The following KCNJ3 variants were observed in gnomAD, a reference collection of about 807,000 sequenced individuals.
The protein encoded by KCNJ3 is G protein-activated inward rectifier potassium channel 1.
In KCNJ3, 4 loss-of-function variants were observed where a neutral mutation model predicts 39.2. The ratio of observed to expected loss-of-function variants is 0.10; its 90% CI spans 0.05 to 0.23. The LOEUF is 0.23. Among genes scored for constraint, KCNJ3 ranks in the 10% least tolerant of loss-of-function variants. KCNJ3 has a pLI of 1.00. For synonymous variants in KCNJ3, 230 were observed against 237.4 expected, an observed-to-expected ratio of 0.97 and a Z score of 0.29; for missense variants, 276 against 634.9, an observed-to-expected ratio of 0.43 and a Z score of 6.08.
At chr2:154,767,395 C>A (rs1686153603) in intron 2 of KCNJ3, among the ~76,000 whole-genome samples, 1 of 151,892 alleles carries the variant, frequency 6.6e-6, no homozygotes. Flanking sequence ...TCCAAGTGTT[C>A]TCATTGTTCA....
intron 2 of KCNJ3, among the ~76,000 whole-genome samples, chr2:154,820,207 G>C (rs1574474232): frequency 6.6e-6 from 1 of 151,994 alleles, no homozygotes; most frequent in African/African-American, 2.4e-5. Context: ...TCCAACCCAG[G>C]ATCCCTTGTT....
At chr2:154,751,953 CT>C (rs1685852157) in intron 2 of KCNJ3, among the ~76,000 whole-genome samples, 1 of 152,056 alleles carries the variant, frequency 6.6e-6, no homozygotes, top group African/African-American at 2.4e-5. Context: ...TCTTTAAAGA[CT>C]CCTTTGCCAA....
rs754470933 is a variant in KCNJ3 at position 154,698,697 on chromosome 2, C to G, written c.-79C>G. On this transcript the variant is annotated 5_prime_UTR_variant, in exon 1 of 3. Coordinates refer to ENST00000295101, the MANE Select transcript of KCNJ3 (RefSeq NM_002239.4). ...GCCCCCTTTCCTCCCCCGCCCCCAC[C>G]TCCTTATTGGTGCTAGTTTGCAGCG... is the stretch of plus-strand genomic sequence containing the variant. The G allele has an allele frequency of 2.8e-6, 2 of 703,350 alleles. No individual in the cohort carries two copies. Among genetic ancestry groups the G allele is most frequent in the South Asian group, 4.6e-5 (2 of 43,898 alleles). The allele number at this position is 703,350 out of a possible 1,614,324, so 43.6% of individuals were successfully genotyped here.
intron 1 of KCNJ3, among the ~76,000 whole-genome samples, chr2:154,705,474 C>T (rs1242824003): frequency 1.3e-5 from 2 of 152,018 alleles, no homozygotes; most frequent in Admixed American, 6.6e-5. Flanking sequence ...ATTCTTTTTC[C>T]ACCTATAGTC....
chr2:154,698,762 C>A lies in KCNJ3; in HGVS notation c.-14C>A, dbSNP rs1455558026. 3 of 1,523,374 alleles carry A rather than the reference C, an allele frequency of 2.0e-6. No homozygotes were observed. Among genetic ancestry groups the A allele is most frequent in the East Asian group, 4.7e-5 (2 of 42,534 alleles). The allele number at this position is 1,523,374 out of a possible 1,614,324, so 94.4% of individuals were successfully genotyped here. ...CTTCGCTTCGCGTTTGAATCTGGCT[C>A]GCCCCTTCGTATTATGTCTGCACTC... On this transcript the variant is annotated 5_prime_UTR_variant, in exon 1 of 3. Coordinates refer to ENST00000295101, the MANE Select transcript of KCNJ3 (RefSeq NM_002239.4).
chr2:154,717,990 T>C (rs1053318323), intron 2 of KCNJ3, among the ~76,000 whole-genome samples: 1 of 152,194 alleles, frequency 6.6e-6, no homozygotes, highest in Non-Finnish European at 1.5e-5. Context: ...ACTCTTGTTA[T>C]AGCCATATCT....
intron 2 of KCNJ3, among the ~76,000 whole-genome samples, chr2:154,718,994 C>T (rs1240244247): frequency 1.3e-5 from 2 of 152,058 alleles, no homozygotes; most frequent in Admixed American, 6.6e-5. Context: ...GGTTAAGATG[C>T]GTCATAGTGC....
chr2:154,745,550 T>G (rs1162992084), intron 2 of KCNJ3, among the ~76,000 whole-genome samples: 3 of 152,062 alleles, frequency 2.0e-5, no homozygotes, highest in African/African-American at 7.2e-5. Flanking sequence ...CATTTTTATA[T>G]TTTGCATTTC....
intron 2 of KCNJ3, among the ~76,000 whole-genome samples, chr2:154,833,649 C>T (rs1687400596): frequency 6.6e-6 from 1 of 152,176 alleles, no homozygotes; most frequent in African/African-American, 2.4e-5. Flanking sequence ...GTGTATCAAA[C>T]AGAATAATTC....
chr2:154,731,579 CTT>C lies in KCNJ3; in HGVS notation c.919+21763_919+21764del, dbSNP rs767170538. 1.3e-4 allele frequency among the ~76,000 whole-genome samples: 19 copies of C among 151,720 alleles called. No homozygotes were observed. The East Asian group carries it at 3.3e-3, about 26-fold the overall frequency. ...TAAGGCAAATAACTTCTTTGGGTAT[CTT>C]TTAAATATACATAACTCATGCTTTT... On this transcript the variant is annotated intron_variant, in intron 2 of 2. Transcript: ENST00000295101.
At chr2:154,732,026 C>G (rs1212825232) in intron 2 of KCNJ3, among the ~76,000 whole-genome samples, 1 of 151,864 alleles carries the variant, frequency 6.6e-6, no homozygotes, top group Non-Finnish European at 1.5e-5. Flanking sequence ...CAATATTTCC[C>G]CATATTTGTA....
At chr2:154,798,755 G>T (rs1023122483) in intron 2 of KCNJ3, among the ~76,000 whole-genome samples, 1 of 152,120 alleles carries the variant, frequency 6.6e-6, no homozygotes, top group Non-Finnish European at 1.5e-5. Context: ...CCATGTTGTT[G>T]CATATTGCAA....
At chr2:154,722,488 GA>G (rs1481595132) in intron 2 of KCNJ3, among the ~76,000 whole-genome samples, 1 of 152,126 alleles carries the variant, frequency 6.6e-6, no homozygotes, top group East Asian at 1.9e-4. Context: ...GAGAAGAGAA[GA>G]ACTTGCTGTT....
intron 2 of KCNJ3, among the ~76,000 whole-genome samples, chr2:154,769,811 T>C: frequency 6.6e-6 from 1 of 152,100 alleles, no homozygotes; most frequent in East Asian, 1.9e-4. Context: ...ATGGACTCTA[T>C]ATACTATCCC....
At chr2:154,732,916 G>A in intron 2 of KCNJ3, among the ~76,000 whole-genome samples, 1 of 152,088 alleles carries the variant, frequency 6.6e-6, no homozygotes, top group East Asian at 1.9e-4. Flanking sequence ...TTTTAAAAGT[G>A]GAAAATAAAT....
At chr2:154,845,550 T>C (rs1558889810) in intron 2 of KCNJ3, among the ~76,000 whole-genome samples, 1 of 152,244 alleles carries the variant, frequency 6.6e-6, no homozygotes, top group Non-Finnish European at 1.5e-5. Context: ...ATGAATTTAT[T>C]TAGGTAGCTA....
intron 2 of KCNJ3, among the ~76,000 whole-genome samples, chr2:154,773,619 CTT>C (rs764046901): frequency 6.6e-5 from 10 of 152,068 alleles, no homozygotes; most frequent in Non-Finnish European, 1.3e-4. Context: ...CAATTAATGT[CTT>C]TTTATTCTGA....
At chr2:154,724,408 A>G (rs1048609770) in intron 2 of KCNJ3, among the ~76,000 whole-genome samples, 1 of 152,052 alleles carries the variant, frequency 6.6e-6, no homozygotes, top group African/African-American at 2.4e-5. Context: ...ATTCTGCCCT[A>G]TTTTTTGAAC....
At chr2:154,852,774 G>A (rs1331949895) in intron 2 of KCNJ3, among the ~76,000 whole-genome samples, 1 of 152,026 alleles carries the variant, frequency 6.6e-6, no homozygotes, top group South Asian at 2.1e-4. Context: ...ATGCTGCTAT[G>A]TGTGTGTTTA....
Sources: allele counts gnomAD v4.1 joint callset (sites outside exome capture counted in the v4.1 genomes callset), GRCh38; gene constraint gnomAD v4.1.1; transcripts MANE v1.5; gene names NCBI Gene and HGNC (gene_info 2026-07-23, HGNC 2026-07-21).